Variants in DIMT1 observed in about 807,000 individuals in gnomAD.
DIMT1 encodes the protein dimethyladenosine transferase.
A neutral mutation model predicts 43.2 loss-of-function variants in DIMT1; 36 were observed. That is an observed-to-expected ratio of 0.83 (90% CI 0.64 to 1.10). DIMT1 has a LOEUF of 1.10. DIMT1 is among the 50% of genes least tolerant of loss of function. DIMT1 has a pLI of 0.00. For synonymous variants in DIMT1, 126 were observed against 130.3 expected (o/e 0.97, Z 0.22); for missense variants, 341 against 385.3 (o/e 0.88, Z 0.96).
At chr5:62,396,167 G>C (rs1465461578) in intron 6 of DIMT1, among the ~76,000 whole-genome samples, 2 of 50,288 alleles carry the variant, frequency 4.0e-5, no homozygotes, top group Non-Finnish European at 7.3e-5. Context: ...ATTAACTGAA[G>C]AAAAAAGAGT....
chr5:62,403,144 T>G (rs1436398190), intron 2 of DIMT1, 129 bp downstream of exon 2: 2 of 806,014 alleles, frequency 2.5e-6, no homozygotes, highest in African/African-American at 3.5e-5. Context: ...TCCTAGACAA[T>G]TATTTGATTC....
chr5:62,399,420 C>T (rs1310524084), intron 3 of DIMT1, among the ~76,000 whole-genome samples: 1 of 150,794 alleles, frequency 6.6e-6, no homozygotes, highest in Admixed American at 6.6e-5. Context: ...GAGTCGAGAT[C>T]GCACCATTGC....
chr5:62,395,792 T>G (rs1044148438), intron 6 of DIMT1, among the ~76,000 whole-genome samples: 6 of 152,060 alleles, frequency 3.9e-5, no homozygotes, highest in Non-Finnish European at 8.8e-5. Context: ...TCGCTTGAGC[T>G]CAGGAGTTCA....
chr5:62,391,801 AACAAG>A, intron 10 of DIMT1: 1 of 1,411,316 alleles, frequency 7.1e-7, no homozygotes, highest in African/African-American at 1.4e-5. Context: ...GTGAGCAAGA[AACAAG>A]ACGTGGTCAC....
rs554331480 is a variant in DIMT1 at position 62,388,921 on chromosome 5, C to T, written c.*89G>A. ...AAAAATAGTCAAGTAAATAATGTCT[C>T]AGTAAAGCAAAAGCATTATCTTCTC... On this transcript the variant is annotated 3_prime_UTR_variant, in exon 12 of 12. Coordinates refer to ENST00000199320, the MANE Select transcript of DIMT1 (RefSeq NM_014473.4). The T allele has an allele frequency of 2.1e-5, 26 of 1,214,216 alleles. No individual in the cohort carries two copies. The East Asian group carries it at 4.6e-4, about 21-fold the overall frequency. 75.2% of individuals were successfully genotyped at this position (1,214,216 alleles called of 1,614,324 possible).
intron 9 of DIMT1, 119 bp from the exon 10 acceptor site, chr5:62,392,353 GAAATT>G: frequency 7.9e-6 from 6 of 760,980 alleles, no homozygotes; most frequent in Non-Finnish European, 1.3e-5. Flanking sequence ...CATTTTAGAT[GAAATT>G]AAATCTATAT....
chr5:62,391,048 T>C, intron 10 of DIMT1, 66 bp from the exon 11 acceptor site: 1 of 1,335,042 alleles, frequency 7.5e-7, no homozygotes, highest in East Asian at 2.3e-5. Context: ...GACTCTTTTT[T>C]TTAGTTCAGT....
chr5:62,392,728 T>C (rs1316613558), intron 9 of DIMT1, 198 bp downstream of exon 9: 5 of 452,972 alleles, frequency 1.1e-5, no homozygotes, highest in Non-Finnish European at 7.8e-6. Flanking sequence ...AAATGTGATC[T>C]GACTCTCAAC....
At chr5:62,391,754 A>G (rs550418162) in intron 10 of DIMT1, 39 of 1,360,644 alleles carry the variant, frequency 2.9e-5, no homozygotes, top group South Asian at 1.6e-4. Context: ...TTCAATTTCT[A>G]TACAAAGAAA....
intron 11 of DIMT1, among the ~76,000 whole-genome samples, chr5:62,389,315 GTC>G (rs1156250140): frequency 1.3e-5 from 2 of 151,608 alleles, no homozygotes; most frequent in East Asian, 1.9e-4. Flanking sequence ...GTGAAACCCC[GTC>G]TCTACTAAAA....
At position 62,387,940 on chromosome 5, in the gene DIMT1, A is replaced by G. The variant is rs1561286843; in HGVS notation, c.*1070T>C. The G allele has an allele frequency of 6.6e-6, 1 of 152,252 alleles. No individual in the cohort carries two copies. The highest frequency in any genetic ancestry group is 1.9e-4 in the East Asian group (1 of 5,188). 9.4% of individuals were successfully genotyped at this position (152,252 alleles called of 1,614,324 possible). A position where few individuals can be genotyped will look rare whatever the true frequency, so the allele number is the denominator to read the frequency against. On this transcript the variant is annotated 3_prime_UTR_variant, in exon 12 of 12. Coordinates refer to ENST00000199320, the MANE Select transcript of DIMT1 (RefSeq NM_014473.4). ...ACTCTTCTATTAAGTTAGGTATTAA[A>G]AAAAGCCAAATATCAATAAAGATAT...
intron 9 of DIMT1, 85 bp downstream of exon 9, chr5:62,392,841 G>T (rs1742356385): frequency 3.6e-6 from 3 of 839,742 alleles, no homozygotes; most frequent in African/African-American, 1.7e-5. Context: ...ATGCTTTAGG[G>T]TAGCTGCTCA....
At chr5:62,403,646 C>A (rs775097446) in intron 1 of DIMT1, 48 bp downstream of exon 1, 1 of 1,568,178 alleles carries the variant, frequency 6.4e-7, no homozygotes. Flanking sequence ...TAGGTCCTGC[C>A]GGAAGACCTG....
At position 62,398,682 on chromosome 5, in the gene DIMT1, T is replaced by C. The variant is rs748301777; in HGVS notation, c.360A>G (p.Pro120=). The C allele has an allele frequency of 6.2e-7, 1 of 1,614,226 alleles. No homozygotes were observed. Among genetic ancestry groups the C allele is most frequent in the East Asian group, 2.2e-5 (1 of 44,884 alleles). The change falls in exon 5 of 12, where the codon CCA becomes CCG. Residue 120 remains proline, a synonymous_variant. Transcript: ENST00000199320. ...LVGDVLKTDL[P]FFDTCVANLP... Reference sequence around the variant, plus strand: ...AATTTGCCACACAAGTATCAAAGAATGGCAAATCTGTTTTCAGCACATCAC... The same window carrying C: ...AATTTGCCACACAAGTATCAAAGAACGGCAAATCTGTTTTCAGCACATCAC...
chr5:62,389,431 A>G (rs137894511), intron 11 of DIMT1, among the ~76,000 whole-genome samples: 2,148 of 143,264 alleles, frequency 0.015, 47 homozygotes, highest in African/African-American at 0.054. Flanking sequence ...GGTTGCAGTG[A>G]GCTGAGATTG....
chr5:62,400,459 C>T (rs1431626365), intron 3 of DIMT1, among the ~76,000 whole-genome samples: 1 of 152,082 alleles, frequency 6.6e-6, no homozygotes, highest in East Asian at 1.9e-4. Flanking sequence ...TCTATGTTGC[C>T]CGGGCTGGTC....
chr5:62,402,506 A>T (rs1043752352), intron 2 of DIMT1, among the ~76,000 whole-genome samples: 1 of 152,254 alleles, frequency 6.6e-6, no homozygotes, highest in Admixed American at 6.5e-5. Flanking sequence ...TTTTCAACCC[A>T]TGTATGGTTT....
In DIMT1 at chr5:62,388,972, T is replaced by C. The variant is rs1742164512; in HGVS notation, c.*38A>G. The C allele has an allele frequency of 8.9e-6, 14 of 1,571,190 alleles. No homozygotes were observed. The highest frequency in any genetic ancestry group is 1.2e-5 in the Non-Finnish European group (14 of 1,149,616). ...AAATACAAAAAATACAAAATTCATT[T>C]CTTTTCTTGACCTTGAAAATTTCTG... On this transcript the variant is annotated 3_prime_UTR_variant, in exon 12 of 12. Coordinates refer to ENST00000199320, the MANE Select transcript of DIMT1 (RefSeq NM_014473.4).
chr5:62,397,036 G>A (rs539531125), intron 6 of DIMT1, among the ~76,000 whole-genome samples: 20 of 152,198 alleles, frequency 1.3e-4, no homozygotes, highest in African/African-American at 4.6e-4. Context: ...TACAACCTCC[G>A]CCTCCTGAGT....
Sources: allele counts gnomAD v4.1 joint callset (sites outside exome capture counted in the v4.1 genomes callset), GRCh38; gene constraint gnomAD v4.1.1; transcripts MANE v1.5; gene names NCBI Gene and HGNC (gene_info 2026-07-23, HGNC 2026-07-21).